RORA: variants seen among roughly 807,000 people sequenced by gnomAD.
RORA encodes RAR related orphan receptor A.
RORA carries 7 observed loss-of-function variants against 69.5 expected under a neutral mutation model. The observed-to-expected ratio is 0.10, with a 90% CI of 0.06 to 0.19. The LOEUF is 0.19. Ranked by LOEUF, RORA falls within the 10% of genes least tolerant of loss-of-function variation. The pLI, the probability that RORA is intolerant of heterozygous loss-of-function variation, is 1.00. For synonymous variants in RORA, 261 were observed against 240.8 expected (o/e 1.08, Z -0.78); for missense variants, 457 against 663.0 (o/e 0.69, Z 3.41).
chr15:61,064,291 G>A (rs188511631), intron 1 of RORA, among the ~76,000 whole-genome samples: 2 of 152,170 alleles, frequency 1.3e-5, no homozygotes, highest in African/African-American at 4.8e-5. Flanking sequence ...TTCCATCCGC[G>A]AAGGTTGTCC....
chr15:60,751,783 A>C lies in RORA; in HGVS notation c.167-73097T>G, dbSNP rs75817242. Among the ~76,000 whole-genome samples the C allele has an allele frequency of 3.7e-3, 569 of 152,260 alleles. 4 individuals carry two copies. The highest frequency in any genetic ancestry group is 0.012 in the African/African-American group (506 of 41,544). On this transcript the variant is annotated intron_variant, in intron 1 of 10. Coordinates refer to ENST00000335670, the MANE Select transcript of RORA (RefSeq NM_134261.3). ...AAACTGAGGCTCAGAAACAGTAAACAATCTGCCCAGGGAGGAGGAACAGAG... is the reference window on the plus strand; with the variant it reads ...AAACTGAGGCTCAGAAACAGTAAACCATCTGCCCAGGGAGGAGGAACAGAG...
intron 2 of RORA, among the ~76,000 whole-genome samples, chr15:60,595,996 T>C (rs1027630277): frequency 2.6e-5 from 4 of 152,178 alleles, no homozygotes; most frequent in Admixed American, 2.0e-4. Flanking sequence ...GGGGAAAAGA[T>C]GGGTGCATTT....
chr15:60,699,206 G>A (rs1280271883), intron 1 of RORA, among the ~76,000 whole-genome samples: 1 of 151,300 alleles, frequency 6.6e-6, no homozygotes, highest in Non-Finnish European at 1.5e-5. Flanking sequence ...TTTTATTTAT[G>A]GTTTCTGCCT....
chr15:60,965,406 AG>A (rs1315746066), intron 1 of RORA, among the ~76,000 whole-genome samples: 2 of 152,152 alleles, frequency 1.3e-5, no homozygotes, highest in African/African-American at 4.8e-5. Flanking sequence ...CCCAGTAGTC[AG>A]GGCCCAAATC....
At chr15:60,667,403 C>T (rs1463214536) in intron 2 of RORA, among the ~76,000 whole-genome samples, 5 of 151,224 alleles carry the variant, frequency 3.3e-5, no homozygotes, top group Admixed American at 2.0e-4. Flanking sequence ...GAAACGAAAT[C>T]GGAGGCAGAT....
At chr15:60,857,247 G>T (rs2073389976) in intron 1 of RORA, among the ~76,000 whole-genome samples, 1 of 152,188 alleles carries the variant, frequency 6.6e-6, no homozygotes, top group African/African-American at 2.4e-5. Context: ...GTTAGGGAAA[G>T]CTTTCCAGAT....
chr15:60,958,832 C>T (rs1365121596), intron 1 of RORA, among the ~76,000 whole-genome samples: 2 of 152,122 alleles, frequency 1.3e-5, no homozygotes, highest in Non-Finnish European at 2.9e-5. Context: ...CAGGATATGG[C>T]ACAATCTGAG....
At chr15:60,774,647 C>T (rs1335727186) in intron 1 of RORA, among the ~76,000 whole-genome samples, 1 of 152,198 alleles carries the variant, frequency 6.6e-6, no homozygotes, top group Non-Finnish European at 1.5e-5. Context: ...CACAAATACC[C>T]ACAGTCTTTA....
chr15:61,052,614 C>A (rs1207542298), intron 1 of RORA, among the ~76,000 whole-genome samples: 1 of 152,204 alleles, frequency 6.6e-6, no homozygotes, highest in Non-Finnish European at 1.5e-5. Context: ...TGTTTCTACA[C>A]ATCACCAATT....
chr15:60,938,300 A>T (rs1892586993), intron 1 of RORA, among the ~76,000 whole-genome samples: 1 of 152,190 alleles, frequency 6.6e-6, no homozygotes, highest in South Asian at 2.1e-4. Flanking sequence ...ATGAAGAAAA[A>T]TTTGAGAAAT....
chr15:61,178,152 C>T (rs1469487074), intron 1 of RORA, among the ~76,000 whole-genome samples: 1 of 152,060 alleles, frequency 6.6e-6, no homozygotes, highest in Non-Finnish European at 1.5e-5. Context: ...GAGCAAAGAA[C>T]CTAATGTATG....
intron 1 of RORA, among the ~76,000 whole-genome samples, chr15:61,170,073 G>A (rs2079572376): frequency 1.3e-5 from 2 of 152,204 alleles, no homozygotes; most frequent in Non-Finnish European, 2.9e-5. Flanking sequence ...GTGAGCTGCT[G>A]TGCCTTGCTG....
intron 1 of RORA, among the ~76,000 whole-genome samples, chr15:61,138,522 T>C (rs907513578): frequency 1.3e-5 from 2 of 152,182 alleles, no homozygotes; most frequent in African/African-American, 4.8e-5. Flanking sequence ...GCACCGATTT[T>C]TGGATGCCCT....
chr15:60,859,651 C>CTTTTTTT (rs1208480913), intron 1 of RORA, among the ~76,000 whole-genome samples: 1 of 96,422 alleles, frequency 1.0e-5, no homozygotes, highest in African/African-American at 4.0e-5. Context: ...TTCTTTCTTT[C>CTTTTTTT]TTTCTTTTTT....
In RORA at chr15:61,139,297, C is replaced by G. The variant is rs16943683; in HGVS notation, c.166+89756G>C. Among the ~76,000 whole-genome samples the G allele has an allele frequency of 9.4e-3, 1,437 of 152,260 alleles. 25 individuals are homozygous for G. Among genetic ancestry groups the G allele is most frequent in the African/African-American group, 0.033 (1,366 of 41,536 alleles). The stretch of plus-strand genomic sequence containing the variant: ...AGAAATATTTTCCACAGAACAACTA[C>G]AGCTACCTCACCAATCACCATCGTT... On this transcript the variant is annotated intron_variant, in intron 1 of 10. Coordinates refer to ENST00000335670, the MANE Select transcript of RORA (RefSeq NM_134261.3).
rs192611092 is a variant in RORA at position 60,767,724 on chromosome 15, A to T, written c.167-89038T>A. ...TTTGTGTATTCTATTCCCTGTCCTC[A>T]CCTTCTCTTTTGTACCTGCAAACTC... On this transcript the variant is annotated intron_variant, in intron 1 of 10. Transcript: ENST00000335670. Among the ~76,000 whole-genome samples the T allele has an allele frequency of 4.1e-3, 626 of 152,188 alleles. 3 individuals are homozygous for T. The highest frequency in any genetic ancestry group is 7.5e-3 in the Non-Finnish European group (511 of 67,998).
chr15:60,658,042 G>A (rs1370830305), intron 2 of RORA, among the ~76,000 whole-genome samples: 1 of 152,078 alleles, frequency 6.6e-6, no homozygotes, highest in African/African-American at 2.4e-5. Context: ...AAGGAAAAGC[G>A]GGGAGTGGCG....
chr15:61,195,257 G>C (rs544828240), intron 1 of RORA, among the ~76,000 whole-genome samples: 2 of 152,082 alleles, frequency 1.3e-5, no homozygotes, highest in South Asian at 2.1e-4. Flanking sequence ...AGCCAAGCTC[G>C]TGAAAGTTAT....
intron 1 of RORA, among the ~76,000 whole-genome samples, chr15:61,223,640 G>A (rs1442589011): frequency 6.6e-6 from 1 of 152,194 alleles, no homozygotes; most frequent in Non-Finnish European, 1.5e-5. Flanking sequence ...TCAGAACAGT[G>A]ACCTTGTGGC....
Sources: allele counts gnomAD v4.1 joint callset (sites outside exome capture counted in the v4.1 genomes callset), GRCh38; gene constraint gnomAD v4.1.1; transcripts MANE v1.5; gene names NCBI Gene and HGNC (gene_info 2026-07-23, HGNC 2026-07-21).